GABBR2: variants seen among roughly 807,000 people sequenced by gnomAD.
GABBR2 encodes G-protein coupled receptor 51.
Under a neutral mutation model 105.6 loss-of-function variants are expected in GABBR2, and 23 were observed. That is an observed-to-expected ratio of 0.22 (90% CI 0.16 to 0.31). The LOEUF (loss-of-function observed/expected upper bound fraction) is 0.31, where lower values mean the gene tolerates loss of function less well. Ranked by LOEUF, GABBR2 falls within the 10% of genes least tolerant of loss-of-function variation. The probability of loss-of-function intolerance (pLI) is 1.00; values close to 1 mark genes in which losing one functional copy is unlikely to be tolerated. For missense variants in GABBR2, 734 were observed against 1,245.5 expected (o/e 0.59, Z 6.18); for synonymous variants, 478 against 499.7 (o/e 0.96, Z 0.58).
intron 2 of GABBR2, among the ~76,000 whole-genome samples, chr9:98,543,767 T>C (rs1023049712): frequency 2.0e-5 from 3 of 152,208 alleles, no homozygotes; most frequent in Non-Finnish European, 2.9e-5. Flanking sequence ...ATAGAAATGA[T>C]CTTTTATATT....
At chr9:98,493,574 C>A (rs538203911) in intron 4 of GABBR2, among the ~76,000 whole-genome samples, 1 of 152,138 alleles carries the variant, frequency 6.6e-6, no homozygotes, top group Non-Finnish European at 1.5e-5. Flanking sequence ...TTATATTTCT[C>A]GGCTTTAATT....
intron 7 of GABBR2, among the ~76,000 whole-genome samples, chr9:98,442,194 T>C (rs1462855750): frequency 6.6e-6 from 1 of 152,238 alleles, no homozygotes; most frequent in Admixed American, 6.5e-5. Context: ...AAAGAGTCTC[T>C]TCCAGTGCTG....
chr9:98,302,929 C>T, intron 16 of GABBR2: 2 of 346,346 alleles, frequency 5.8e-6, no homozygotes, highest in Non-Finnish European at 1.0e-5. Flanking sequence ...TAAAGAGACA[C>T]TGACGTAGGA....
intron 2 of GABBR2, among the ~76,000 whole-genome samples, chr9:98,564,766 T>C (rs16917171): frequency 0.046 from 6,952 of 152,190 alleles, 333 homozygotes; most frequent in East Asian, 0.16. Context: ...AAGGACTGTC[T>C]GGGCCTGAAG....
At chr9:98,531,815 G>A (rs1348105695) in intron 3 of GABBR2, among the ~76,000 whole-genome samples, 1 of 152,226 alleles carries the variant, frequency 6.6e-6, no homozygotes, top group Non-Finnish European at 1.5e-5. Context: ...CTTTAGATCA[G>A]AGTTTCAAGG....
intron 7 of GABBR2, among the ~76,000 whole-genome samples, chr9:98,447,537 A>ATGTGTGTGTGTGTGTG (rs58069151): frequency 2.1e-5 from 3 of 142,402 alleles, no homozygotes; most frequent in African/African-American, 5.2e-5. Context: ...ACTAGTATGT[A>ATGTGTGTGTGTGTGTG]TGTGTGTGTG....
intron 4 of GABBR2, among the ~76,000 whole-genome samples, chr9:98,491,326 G>A (rs1827172002): frequency 6.6e-6 from 1 of 152,134 alleles, no homozygotes; most frequent in Non-Finnish European, 1.5e-5. Flanking sequence ...ACCTTTCAGT[G>A]TCACTTTGTT....
intron 6 of GABBR2, among the ~76,000 whole-genome samples, chr9:98,469,284 G>C (rs1258226717): frequency 6.6e-6 from 1 of 152,198 alleles, no homozygotes. Flanking sequence ...GAGAGAGAGA[G>C]TGAAGGGGGA....
chr9:98,420,471 C>T (rs754138959), intron 7 of GABBR2, among the ~76,000 whole-genome samples: 3 of 82,068 alleles, frequency 3.7e-5, no homozygotes, highest in South Asian at 4.3e-4. Context: ...AGTGTGTGGC[C>T]GGGAATTTAC....
At chr9:98,696,077 C>T (rs2131882313) in intron 1 of GABBR2, among the ~76,000 whole-genome samples, 1 of 152,298 alleles carries the variant, frequency 6.6e-6, no homozygotes, top group East Asian at 1.9e-4. Flanking sequence ...AATAATCCAA[C>T]AAAAGTTAAC....
At chr9:98,511,827 T>C (rs1564098791) in intron 3 of GABBR2, among the ~76,000 whole-genome samples, 2 of 152,178 alleles carry the variant, frequency 1.3e-5, no homozygotes, top group South Asian at 4.2e-4. Context: ...CTACCAGAGG[T>C]ACAAGGAGGA....
intron 3 of GABBR2, among the ~76,000 whole-genome samples, chr9:98,501,127 C>CA (rs1554712257): frequency 2.1e-4 from 8 of 37,676 alleles, no homozygotes; most frequent in East Asian, 3.6e-4. Flanking sequence ...GAACCACTGC[C>CA]CCCCCCCCTT....
At chr9:98,352,038 A>T (rs553118767) in intron 13 of GABBR2, among the ~76,000 whole-genome samples, 1 of 152,274 alleles carries the variant, frequency 6.6e-6, no homozygotes, top group East Asian at 1.9e-4. Flanking sequence ...TTTGGCTTTG[A>T]TTCTGAATGG....
At chr9:98,535,736 G>GCATTT (rs1828164841) in intron 3 of GABBR2, among the ~76,000 whole-genome samples, 3 of 152,070 alleles carry the variant, frequency 2.0e-5, no homozygotes, top group African/African-American at 7.2e-5. Context: ...AAGACATGGC[G>GCATTT]GAAAGTTAAA....
chr9:98,332,667 C>T (rs1831048557), intron 13 of GABBR2, among the ~76,000 whole-genome samples: 1 of 152,362 alleles, frequency 6.6e-6, no homozygotes, highest in Admixed American at 6.5e-5. Flanking sequence ...GAATGCATTT[C>T]CAGAAGCCTG....
intron 3 of GABBR2, among the ~76,000 whole-genome samples, chr9:98,517,088 A>T (rs1055197151): frequency 3.9e-5 from 6 of 152,162 alleles, no homozygotes; most frequent in Non-Finnish European, 8.8e-5. Flanking sequence ...GCCAGAACAG[A>T]GGCACTCATT....
At chr9:98,509,490 C>T (rs564057051) in intron 3 of GABBR2, among the ~76,000 whole-genome samples, 21 of 152,108 alleles carry the variant, frequency 1.4e-4, no homozygotes, top group South Asian at 6.2e-4. Flanking sequence ...GGAGGAAATT[C>T]GAACCAATGG....
intron 1 of GABBR2, among the ~76,000 whole-genome samples, chr9:98,629,365 T>C (rs887289008): frequency 6.6e-6 from 1 of 152,230 alleles, no homozygotes; most frequent in Non-Finnish European, 1.5e-5. Flanking sequence ...ATACCTAAGT[T>C]GATTCTAATC....
chr9:98,632,260 C>T (rs1173475576), intron 1 of GABBR2, among the ~76,000 whole-genome samples: 2 of 152,188 alleles, frequency 1.3e-5, no homozygotes, highest in East Asian at 1.9e-4. Context: ...CTCTAAGCCT[C>T]CAGTTTCCTC....
Sources: allele counts gnomAD v4.1 joint callset (sites outside exome capture counted in the v4.1 genomes callset), GRCh38; gene constraint gnomAD v4.1.1; transcripts MANE v1.5; gene names NCBI Gene and HGNC (gene_info 2026-07-23, HGNC 2026-07-21).